Variants in SHANK2 observed in about 807,000 individuals in gnomAD.
SHANK2 encodes the protein SH3 and multiple ankyrin repeat domains protein 2.
Under a neutral mutation model 133.7 loss-of-function variants are expected in SHANK2, and 43 were observed. The observed-to-expected ratio is 0.32, with a 90% CI of 0.25 to 0.41. The LOEUF (loss-of-function observed/expected upper bound fraction) is 0.41. Among genes scored for constraint, SHANK2 ranks in the 10% least tolerant of loss-of-function variants. The pLI, the probability that SHANK2 is intolerant of heterozygous loss-of-function variation, is 1.00. For missense variants in SHANK2, 1,994 were observed against 2,235.8 expected (o/e 0.89, Z 2.18); for synonymous variants, 1,017 against 952.8 (o/e 1.07, Z -1.24).
chr11:70,672,162 C>A (rs1192418263), intron 15 of SHANK2, among the ~76,000 whole-genome samples: 1 of 150,364 alleles, frequency 6.7e-6, no homozygotes, highest in African/African-American at 2.5e-5. Flanking sequence ...CTCCCGGGTT[C>A]AAGCGATTCT....
At chr11:70,522,269 T>G (rs2135933652) in intron 17 of SHANK2, among the ~76,000 whole-genome samples, 1 of 152,368 alleles carries the variant, frequency 6.6e-6, no homozygotes, top group South Asian at 2.1e-4. Context: ...TCCTGCTGCG[T>G]GCATGGCTGA....
intron 14 of SHANK2, among the ~76,000 whole-genome samples, chr11:70,793,021 A>G (rs1947828348): frequency 6.6e-6 from 1 of 152,222 alleles, no homozygotes; most frequent in Non-Finnish European, 1.5e-5. Flanking sequence ...GCACCACTGC[A>G]TTCCCACCTC....
At chr11:70,618,486 C>T (rs534297562) in intron 17 of SHANK2, among the ~76,000 whole-genome samples, 8 of 152,132 alleles carry the variant, frequency 5.3e-5, no homozygotes, top group African/African-American at 1.7e-4. Context: ...AGGGCCACCC[C>T]GCCCTAGGTT....
chr11:71,209,598 T>C (rs567410717), intron 2 of SHANK2, among the ~76,000 whole-genome samples: 1 of 152,330 alleles, frequency 6.6e-6, no homozygotes, highest in South Asian at 2.1e-4. Context: ...AGTGAACTTC[T>C]GGGAGAGCTG....
In SHANK2 at chr11:70,573,374, T is replaced by G. The variant is rs2060073899; in HGVS notation, c.2062-70443A>C. 2.7e-5 allele frequency among the ~76,000 whole-genome samples: 4 copies of G among 149,858 alleles called. No individual in the cohort carries two copies. In the South Asian group the frequency reaches 8.5e-4, roughly 32 times the overall value. On this transcript the variant is annotated intron_variant, in intron 17 of 25. Transcript: ENST00000601538. ...CGGCTGGTGGATGGACTTGTCACCT[T>G]GACCTTGGCGATGGTTTCCCAAGAA...
At chr11:70,650,181 T>C (rs151242559) in intron 17 of SHANK2, among the ~76,000 whole-genome samples, 34 of 152,012 alleles carry the variant, frequency 2.2e-4, no homozygotes, top group African/African-American at 6.5e-4. Flanking sequence ...GTGAGGGGAG[T>C]GGGGCTCAAA....
chr11:70,485,932 C>CTGGAGTTCAACGAAGGGGACTGAGGGG lies in SHANK2; in HGVS notation c.4334_4360dup (p.Thr1445_Ser1453dup). ...GCTGTCTGCAGAGTTGGTTGGTTGG[C>CTGGAGTTCAACGAAGGGGACTGAGGGG]TGGAGTTCAACGAAGGGGACTGAGG... On this transcript the variant is annotated inframe_insertion, in exon 25 of 26. Coordinates refer to ENST00000601538, the MANE Select transcript of SHANK2 (RefSeq NM_012309.5). The surrounding 1 kb of genome is among the most constrained non-coding windows in gnomAD (Gnocchi z 5.8). The CTGGAGTTCAACGAAGGGGACTGAGGGG allele has an allele frequency of 1.2e-6, 2 of 1,614,114 alleles. No homozygotes were observed.
chr11:70,752,457 G>A (rs537727731), intron 14 of SHANK2, among the ~76,000 whole-genome samples: 22 of 152,204 alleles, frequency 1.4e-4, no homozygotes, highest in African/African-American at 5.1e-4. Flanking sequence ...GGTGGCTCAC[G>A]CCTGTAATCC....
rs1369460818 is a variant in SHANK2 at position 70,473,820 on chromosome 11, T to A, written c.4980-381A>T. 5.7e-6 allele frequency: 2 copies of A among 352,644 alleles called. No individual in the cohort carries two copies. Among genetic ancestry groups the A allele is most frequent in the Admixed American group, 7.5e-5 (2 of 26,734 alleles). 21.8% of individuals were successfully genotyped at this position (352,644 alleles called of 1,614,324 possible). A position where few individuals can be genotyped will look rare whatever the true frequency, so the allele number is the denominator to read the frequency against. ...CCTCGGGAGGGTGGCCACTGAGGCA[T>A]TTGGAAGGGGTCCCTTGAAGAGGGC... On this transcript the variant is annotated intron_variant, in intron 25 of 25. Transcript: ENST00000601538. This position sits in a 1 kb window ranked among gnomAD's most constrained non-coding sequence, Gnocchi z 5.9.
chr11:70,933,532 T>A (rs782180026), intron 10 of SHANK2, among the ~76,000 whole-genome samples: 23 of 152,210 alleles, frequency 1.5e-4, no homozygotes, highest in Admixed American at 4.6e-4. Flanking sequence ...TGTATTTGAC[T>A]ACAGTTGAGA....
intron 14 of SHANK2, among the ~76,000 whole-genome samples, chr11:70,777,186 T>C (rs1947383739): frequency 6.8e-6 from 1 of 148,046 alleles, no homozygotes. Flanking sequence ...CACCCATCCA[T>C]TTACCCATCC....
intron 10 of SHANK2, among the ~76,000 whole-genome samples, chr11:70,926,290 A>G (rs1319268070): frequency 2.0e-5 from 3 of 152,194 alleles, no homozygotes; most frequent in Non-Finnish European, 4.4e-5. Flanking sequence ...ACGTGCCTGT[A>G]GTCCCAGCTA....
At chr11:70,628,680 T>C (rs960825964) in intron 17 of SHANK2, among the ~76,000 whole-genome samples, 1 of 152,100 alleles carries the variant, frequency 6.6e-6, no homozygotes, top group African/African-American at 2.4e-5. Context: ...ACTTCCGGCT[T>C]CCCGAGCTCC....
intron 10 of SHANK2, among the ~76,000 whole-genome samples, chr11:70,900,389 A>T (rs1268081455): frequency 1.3e-5 from 2 of 152,076 alleles, no homozygotes; most frequent in African/African-American, 4.8e-5. Context: ...TAGAAAAATG[A>T]TGACTATGTC....
At chr11:71,137,785 G>A (rs543785614) in intron 3 of SHANK2, among the ~76,000 whole-genome samples, 13 of 152,262 alleles carry the variant, frequency 8.5e-5, no homozygotes, top group East Asian at 7.7e-4. Context: ...TCAGGATCAC[G>A]ACCACCCAAG....
intron 14 of SHANK2, among the ~76,000 whole-genome samples, chr11:70,711,883 T>C (rs1945792047): frequency 1.3e-5 from 2 of 152,204 alleles, no homozygotes; most frequent in African/African-American, 4.8e-5. Flanking sequence ...AAGGACCCTG[T>C]GCAGAATGCC....
chr11:71,124,561 A>G (rs1565465274), intron 3 of SHANK2, among the ~76,000 whole-genome samples: 1 of 152,012 alleles, frequency 6.6e-6, no homozygotes, highest in Non-Finnish European at 1.5e-5. Flanking sequence ...ATATAATAAT[A>G]TTATTCTCAT....
chr11:70,912,287 T>C (rs1194160707), intron 10 of SHANK2, among the ~76,000 whole-genome samples: 1 of 152,128 alleles, frequency 6.6e-6, no homozygotes, highest in Non-Finnish European at 1.5e-5. Context: ...GGGTATCAAC[T>C]ACATTTTTTA....
intron 21 of SHANK2, among the ~76,000 whole-genome samples, chr11:70,492,787 GTTTTTTT>G (rs34452642): frequency 2.8e-5 from 2 of 70,592 alleles, no homozygotes; most frequent in African/African-American, 5.9e-5. Context: ...ACATTTCTGT[GTTTTTTT>G]TTTTTTTTTT....
Sources: gnomAD v4.1 joint callset for allele counts (sites outside exome capture counted in the v4.1 genomes callset) on GRCh38, gnomAD v4.1.1 for gene constraint, Gnocchi (gnomAD v3.1) non-coding constraint, MANE v1.5 for transcripts, NCBI Gene and HGNC (gene_info 2026-07-23, HGNC 2026-07-21) for gene names.